The following NFILZ variants were observed in gnomAD, a reference collection of about 807,000 sequenced individuals.
The protein encoded by NFILZ is NFIL3 like basic leucine zipper, also known as NFIL3 like protein.
intron 3 of NFILZ, among the ~76,000 whole-genome samples, chr19:8,663,750 G>GTGTGTGTATGTGTGTGTGTGTGTA (rs1555674964): frequency 7.3e-6 from 1 of 136,968 alleles, no homozygotes. Context: ...GTGTGTGTGT[G>GTGTGTGTATGTGTGTGTGTGTGTA]TGTGTGTGTG....
At chr19:8,663,760 G>GTATGTGTT (rs1267863037) in intron 3 of NFILZ, among the ~76,000 whole-genome samples, 1 of 136,254 alleles carries the variant, frequency 7.3e-6, no homozygotes, top group Non-Finnish European at 1.7e-5. Flanking sequence ...GTGTGTGTGT[G>GTATGTGTT]TGTGTGTGTG....
intron 3 of NFILZ, among the ~76,000 whole-genome samples, chr19:8,645,111 C>T (rs2042933665): frequency 6.8e-6 from 1 of 147,658 alleles, no homozygotes; most frequent in Admixed American, 6.9e-5. Flanking sequence ...TCAATTATCT[C>T]ACTGTATGAG....
intron 3 of NFILZ, among the ~76,000 whole-genome samples, chr19:8,649,977 T>C (rs1555747538): frequency 6.6e-6 from 1 of 151,946 alleles, no homozygotes; most frequent in East Asian, 1.9e-4. Flanking sequence ...TAGCCGGTCT[T>C]GGTCGTGGGC....
chr19:8,649,115 A>G (rs527522354), intron 3 of NFILZ, among the ~76,000 whole-genome samples: 1 of 151,430 alleles, frequency 6.6e-6, no homozygotes, highest in South Asian at 2.1e-4. Flanking sequence ...GGCAGGCACC[A>G]CCACACCTGG....
chr19:8,659,640 T>C (rs113425123), intron 3 of NFILZ, among the ~76,000 whole-genome samples: 1,785 of 152,174 alleles, frequency 0.012, 28 homozygotes, highest in African/African-American at 0.04. Context: ...GGTAAAAAGA[T>C]CCCTCCAGCA....
At position 8,656,461 on chromosome 19, in the gene NFILZ, T is replaced by TCTGAAGCCCACCTCTTCC. The variant is rs2043001703; in HGVS notation, c.-163-18077_-163-18076insCTTCCCTGAAGCCCACCT. On this transcript the variant is annotated intron_variant, in intron 3 of 5. Coordinates refer to ENST00000691075, the MANE Select transcript of NFILZ (RefSeq NM_001378600.1). ...CCTTCTCCTCGAAGCCCACCTTCTCTCTGAAGCCCACCTTCTCCCGCAGCC... is the reference window on the plus strand; with the variant it reads ...CCTTCTCCTCGAAGCCCACCTTCTCTCTGAAGCCCACCTCTTCCCTGAAGCCCACCTTCTCCCGCAGCC... Among the ~76,000 whole-genome samples the TCTGAAGCCCACCTCTTCC allele has an allele frequency of 7.0e-3, 128 of 18,348 alleles. 25 individuals are homozygous for TCTGAAGCCCACCTCTTCC. Among genetic ancestry groups the TCTGAAGCCCACCTCTTCC allele is most frequent in the African/African-American group, 0.014 (118 of 8,642 alleles). 12.0% of individuals were successfully genotyped at this position (18,348 alleles called of 152,430 possible).
chr19:8,663,278 G>A (rs1488692790), intron 3 of NFILZ, among the ~76,000 whole-genome samples: 1 of 151,948 alleles, frequency 6.6e-6, no homozygotes, highest in East Asian at 1.9e-4. Context: ...ATTTTTGAAG[G>A]TGAAGCCAGT....
intron 3 of NFILZ, among the ~76,000 whole-genome samples, chr19:8,656,438 T>TCC (rs2043000503): frequency 2.8e-5 from 2 of 72,472 alleles, no homozygotes; most frequent in African/African-American, 1.0e-4. Context: ...GCAGCCCACC[T>TCC]TCTCCTCGAA....
At chr19:8,668,245 C>T (rs115831510) in intron 3 of NFILZ, among the ~76,000 whole-genome samples, 1,864 of 147,258 alleles carry the variant, frequency 0.013, 42 homozygotes, top group African/African-American at 0.044. Flanking sequence ...GCGACTGTGC[C>T]CGGCATATAC....
intron 2 of NFILZ, among the ~76,000 whole-genome samples, chr19:8,634,732 T>A (rs1489858778): frequency 6.6e-6 from 1 of 151,732 alleles, no homozygotes; most frequent in Non-Finnish European, 1.5e-5. Flanking sequence ...AACAGAAAAT[T>A]AGCTGGGCAT....
chr19:8,645,474 C>A (rs1333602621), intron 3 of NFILZ, among the ~76,000 whole-genome samples: 3 of 152,004 alleles, frequency 2.0e-5, no homozygotes, highest in African/African-American at 7.3e-5. Context: ...TTGTCCCCAG[C>A]CTCAGCTGTG....
rs533513975 is a variant in NFILZ at position 8,679,832 on chromosome 19, AT to A, written c.*2199del. ...CATTCCCTAGAAATATATTGTGAAT[AT>A]TAAATAAGAGGCAGTAAATAAATTG... On this transcript the variant is annotated 3_prime_UTR_variant, in exon 6 of 6. Coordinates refer to ENST00000691075, the MANE Select transcript of NFILZ (RefSeq NM_001378600.1). Among the ~76,000 whole-genome samples, 13 of 152,300 alleles carry A rather than the reference AT, an allele frequency of 8.5e-5. No individual in the cohort carries two copies. In the East Asian group the frequency reaches 2.5e-3, roughly 29 times the overall value.
At chr19:8,631,925 A>C (rs1376969436) in intron 1 of NFILZ, among the ~76,000 whole-genome samples, 1 of 150,898 alleles carries the variant, frequency 6.6e-6, no homozygotes, top group Non-Finnish European at 1.5e-5. Context: ...GCTGCAATGC[A>C]GTGGCTCGAT....
chr19:8,678,545 CTCCA>C lies in NFILZ; in HGVS notation c.*926_*929del, dbSNP rs118194575. Among the ~76,000 whole-genome samples, 2 of 149,042 alleles carry C rather than the reference CTCCA, an allele frequency of 1.3e-5. No individual in the cohort carries two copies. Among genetic ancestry groups the C allele is most frequent in the Non-Finnish European group, 3.0e-5 (2 of 67,118 alleles). ...TCATCCATTCATACATCAATTTATT[CTCCA>C]TCCATCCATCCATCCTCATCCATTC... On this transcript the variant is annotated 3_prime_UTR_variant, in exon 6 of 6. Transcript: ENST00000691075.
chr19:8,673,450 G>A (rs538224175), intron 3 of NFILZ, among the ~76,000 whole-genome samples: 1 of 152,300 alleles, frequency 6.6e-6, no homozygotes, highest in South Asian at 2.1e-4. Context: ...CCTAACTGCA[G>A]CTGCTTCCCC....
intron 3 of NFILZ, among the ~76,000 whole-genome samples, chr19:8,663,734 G>GTGTGTGTGTGTGTATGTGTGTGTA (rs2043045528): frequency 2.8e-4 from 31 of 110,648 alleles, no homozygotes; most frequent in Admixed American, 2.5e-3. Context: ...GTGTGTGTGT[G>GTGTGTGTGTGTGTATGTGTGTGTA]TGTGTGTGTG....
chr19:8,654,544 G>A (rs184261303), intron 3 of NFILZ, among the ~76,000 whole-genome samples: 2 of 152,120 alleles, frequency 1.3e-5, no homozygotes, highest in African/African-American at 4.8e-5. Flanking sequence ...GAGCCCAGGA[G>A]GTCGAGGCTG....
intron 3 of NFILZ, among the ~76,000 whole-genome samples, chr19:8,660,187 C>T (rs1229402888): frequency 1.3e-5 from 2 of 152,142 alleles, no homozygotes; most frequent in East Asian, 3.9e-4. Context: ...GCTGTGTGAC[C>T]CTAGGCAAGT....
At chr19:8,640,312 T>C (rs1555746544) in intron 3 of NFILZ, among the ~76,000 whole-genome samples, 1 of 119,754 alleles carries the variant, frequency 8.4e-6, no homozygotes, top group East Asian at 2.5e-4. Flanking sequence ...TTGTTCCTGC[T>C]GTAGTTTTTT....
Sources: gnomAD v4.1 joint callset for allele counts (sites outside exome capture counted in the v4.1 genomes callset) on GRCh38, gnomAD v4.1.1 for gene constraint, MANE v1.5 for transcripts, NCBI Gene and HGNC (gene_info 2026-07-23, HGNC 2026-07-21) for gene names.